The following RNLS variants were observed in gnomAD, a reference collection of about 807,000 sequenced individuals.
RNLS encodes renalase.
RNLS carries 39 observed loss-of-function variants against 39.8 expected under a neutral mutation model. The ratio of observed to expected loss-of-function variants is 0.98; its 90% CI spans 0.76 to 1.28. The LOEUF (loss-of-function observed/expected upper bound fraction) is 1.28, where lower values mean the gene tolerates loss of function less well. Ranked by LOEUF, RNLS falls within the 50% of genes most tolerant of loss-of-function variation. The probability of loss-of-function intolerance (pLI) is 0.00; values close to 1 mark genes in which losing one functional copy is unlikely to be tolerated. For missense variants in RNLS, 410 were observed against 413.3 expected (o/e 0.99, Z 0.07); for synonymous variants, 147 against 150.7 (o/e 0.98, Z 0.18).
At chr10:88,485,579 G>A (rs1194008360) in intron 4 of RNLS, among the ~76,000 whole-genome samples, 1 of 142,892 alleles carries the variant, frequency 7.0e-6, no homozygotes. Flanking sequence ...TGCCATACCA[G>A]ATCACTCTTC....
intron 6 of RNLS, among the ~76,000 whole-genome samples, chr10:88,297,746 A>G (rs1422079165): frequency 6.6e-6 from 1 of 152,204 alleles, no homozygotes; most frequent in African/African-American, 2.4e-5. Context: ...ATTAGTTGAT[A>G]GACATTTGGG....
At chr10:88,192,306 T>C in the RNLS span, among the ~76,000 whole-genome samples, 1 of 152,162 alleles carries the variant, frequency 6.6e-6, no homozygotes, top group Non-Finnish European at 1.5e-5. Context: ...TGAATTAATA[T>C]TATGTAAATT....
At chr10:88,272,769 CAAAT>C (rs1183897784), downstream of RNLS, among the ~76,000 whole-genome samples, 1 of 152,156 alleles carries the variant, frequency 6.6e-6, no homozygotes, top group Non-Finnish European at 1.5e-5. Context: ...GATAGATACT[CAAAT>C]AGTCTCTAGA....
At chr10:88,508,255 A>T (rs1184805351) in intron 4 of RNLS, among the ~76,000 whole-genome samples, 1 of 152,168 alleles carries the variant, frequency 6.6e-6, no homozygotes, top group Admixed American at 6.6e-5. Context: ...ATTGTTTTCT[A>T]TGCAAATAGA....
the RNLS span, among the ~76,000 whole-genome samples, chr10:88,252,586 C>T: frequency 6.6e-6 from 1 of 152,202 alleles, no homozygotes; most frequent in Non-Finnish European, 1.5e-5. Context: ...GTACTATCCT[C>T]TGCTGCAGAA....
intron 1 of RNLS, among the ~76,000 whole-genome samples, chr10:88,582,824 G>A (rs1424546783): frequency 1.3e-5 from 2 of 152,198 alleles, no homozygotes; most frequent in African/African-American, 2.4e-5. Flanking sequence ...TGTAGAGCGC[G>A]GGGTACTCCT....
At chr10:88,492,963 T>C (rs955921769) in intron 4 of RNLS, among the ~76,000 whole-genome samples, 3 of 152,134 alleles carry the variant, frequency 2.0e-5, no homozygotes, top group Non-Finnish European at 2.9e-5. Flanking sequence ...TATTTGAAAA[T>C]GACAAAATGT....
chr10:88,352,365 A>G (rs921527119), intron 5 of RNLS, among the ~76,000 whole-genome samples: 1 of 152,172 alleles, frequency 6.6e-6, no homozygotes, highest in Non-Finnish European at 1.5e-5. Context: ...TTATTTTGAG[A>G]TACATCCCAT....
the RNLS span, among the ~76,000 whole-genome samples, chr10:88,236,486 T>C: frequency 1.6e-4 from 24 of 152,340 alleles, no homozygotes; most frequent in Non-Finnish European, 2.8e-4. Flanking sequence ...AAGGCTACCC[T>C]TGATAGTAGC....
chr10:88,357,572 C>T (rs796353719), intron 5 of RNLS, among the ~76,000 whole-genome samples: 8 of 152,266 alleles, frequency 5.3e-5, no homozygotes, highest in African/African-American at 1.9e-4. Flanking sequence ...TAATCTGTTC[C>T]TTTTACAGAA....
At chr10:88,574,885 T>A (rs1850070140) in intron 3 of RNLS, among the ~76,000 whole-genome samples, 2 of 151,918 alleles carry the variant, frequency 1.3e-5, no homozygotes. Flanking sequence ...TGTTTTTATT[T>A]ATTTAGGATG....
intron 4 of RNLS, among the ~76,000 whole-genome samples, chr10:88,522,966 C>T (rs1357455962): frequency 6.6e-6 from 1 of 152,124 alleles, no homozygotes; most frequent in Non-Finnish European, 1.5e-5. Flanking sequence ...CTGGGACGTA[C>T]TGTTTGATAG....
chr10:88,470,730 C>T lies in RNLS; in HGVS notation c.526+102173G>A, dbSNP rs547513617. Among the ~76,000 whole-genome samples, 27 of 152,004 alleles carry T rather than the reference C, an allele frequency of 1.8e-4. No individual in the cohort carries two copies. In the East Asian group the frequency reaches 2.7e-3, roughly 15 times the overall value. On this transcript the variant is annotated intron_variant, in intron 4 of 6. Coordinates refer to ENST00000331772, the MANE Select transcript of RNLS (RefSeq NM_001031709.3). ...TCCTGGATTCAAGCAATTCTCCTGCCTCAGCCTCCTGAGTAGCTGGGATTA... is the reference window on the plus strand; with the variant it reads ...TCCTGGATTCAAGCAATTCTCCTGCTTCAGCCTCCTGAGTAGCTGGGATTA...
chr10:88,247,967 T>G, the RNLS span, among the ~76,000 whole-genome samples: 1 of 152,220 alleles, frequency 6.6e-6, no homozygotes, highest in Non-Finnish European at 1.5e-5. Context: ...ACCTAGAGCC[T>G]CCAGAAAGAA....
chr10:88,187,568 G>A, the RNLS span, among the ~76,000 whole-genome samples: 2 of 152,160 alleles, frequency 1.3e-5, no homozygotes, highest in Non-Finnish European at 2.9e-5. Flanking sequence ...TGGTGGCCTT[G>A]AAAGTACGTG....
intron 4 of RNLS, among the ~76,000 whole-genome samples, chr10:88,538,331 C>T (rs569953205): frequency 5.5e-4 from 84 of 152,270 alleles, no homozygotes; most frequent in African/African-American, 1.9e-3. Flanking sequence ...ATGACCAGAA[C>T]AGCTGCACTT....
intron 5 of RNLS, among the ~76,000 whole-genome samples, chr10:88,352,369 A>G (rs539585356): frequency 9.5e-4 from 145 of 152,268 alleles, no homozygotes; most frequent in African/African-American, 3.2e-3. Flanking sequence ...TTTGAGATAC[A>G]TCCCATCAAT....
chr10:88,425,902 A>AG (rs1427307501), intron 4 of RNLS, among the ~76,000 whole-genome samples: 2 of 152,032 alleles, frequency 1.3e-5, no homozygotes, highest in East Asian at 3.9e-4. Flanking sequence ...TGTTTGGAGT[A>AG]GGGGGTCAAT....
At chr10:88,560,334 C>A (rs1312025532) in intron 4 of RNLS, among the ~76,000 whole-genome samples, 2 of 151,600 alleles carry the variant, frequency 1.3e-5, no homozygotes, top group Non-Finnish European at 2.9e-5. Context: ...AAAAAAAAAA[C>A]CCAGTAATGA....
Sources: gnomAD v4.1 joint callset for allele counts (sites outside exome capture counted in the v4.1 genomes callset) on GRCh38, gnomAD v4.1.1 for gene constraint, MANE v1.5 for transcripts, NCBI Gene and HGNC (gene_info 2026-07-23, HGNC 2026-07-21) for gene names.